The following TERB2 variants were observed in gnomAD, a reference collection of about 807,000 sequenced individuals.
TERB2 encodes telomere repeat binding bouquet formation protein 2, also known as telomere repeats-binding bouquet formation protein 2.
TERB2 carries 26 observed loss-of-function variants against 29.8 expected under a neutral mutation model. The observed-to-expected ratio is 0.87, with a 90% CI of 0.64 to 1.21. The LOEUF (loss-of-function observed/expected upper bound fraction) is 1.21. Ranked by LOEUF, TERB2 falls within the 50% of genes most tolerant of loss-of-function variation. TERB2 has a pLI of 0.00. For synonymous variants in TERB2, 80 were observed against 90.8 expected (o/e 0.88, Z 0.68); for missense variants, 240 against 268.6 (o/e 0.89, Z 0.74).
chr15:44,957,536 CTT>C (rs1891737195), intron 2 of TERB2, among the ~76,000 whole-genome samples: 1 of 152,102 alleles, frequency 6.6e-6, no homozygotes, highest in Non-Finnish European at 1.5e-5. Flanking sequence ...TTCTCCAAAA[CTT>C]TGAATAACTT....
chr15:44,958,859 A>G (rs1891761408), intron 3 of TERB2, among the ~76,000 whole-genome samples: 1 of 152,090 alleles, frequency 6.6e-6, no homozygotes, highest in Non-Finnish European at 1.5e-5. Flanking sequence ...TTAGCAAGTT[A>G]CTTTCTGAAG....
chr15:44,964,345 G>C (rs895547495), intron 4 of TERB2, among the ~76,000 whole-genome samples: 7 of 150,736 alleles, frequency 4.6e-5, no homozygotes, highest in Admixed American at 4.6e-4. Flanking sequence ...AGTTCTTTCA[G>C]TTTTTTTTTC....
chr15:44,956,748 C>T lies in TERB2; in HGVS notation c.30C>T (p.Cys10=), dbSNP rs776218878. 17 of 1,612,494 alleles carry T rather than the reference C, an allele frequency of 1.1e-5. No homozygotes were observed. Among genetic ancestry groups the T allele is most frequent in the East Asian group, 2.2e-5 (1 of 44,886 alleles). Residue 10 remains cysteine, a synonymous_variant, in exon 1 of 7, where the codon TGC becomes TGT. Transcript: ENST00000340827. MFQGQRGWF[C]GSVSQDLRQF... Reference sequence around the variant, plus strand: ...TTCAAGGGCAGCGCGGTTGGTTTTGCGGCAGCGTTAGCCAGGATCTGAGGC... The same window carrying T: ...TTCAAGGGCAGCGCGGTTGGTTTTGTGGCAGCGTTAGCCAGGATCTGAGGC...
chr15:44,956,950 G>A lies in TERB2; in HGVS notation c.119G>A (p.Cys40Tyr). ...CGAGCCGCCGACTTCTTGTTCAGCT[G>A]TGATGCCTCGCACCCAGACACGCTG... ...DPRAADFLFS[C>Y]DASHPDTLRI... is the part of the protein sequence containing the mutation. The change falls in exon 2 of 7, where the codon TGT (cysteine) becomes TAT (tyrosine). Residue 40 changes from cysteine (C) to tyrosine (Y), a missense_variant. Physicochemically the swap from Cys to Tyr is radical, Grantham distance 194. Coordinates refer to ENST00000340827, the MANE Select transcript of TERB2 (RefSeq NM_152448.3). The A allele has an allele frequency of 6.2e-7, 1 of 1,613,960 alleles. No individual in the cohort carries two copies.
In TERB2 at chr15:44,958,601, G is replaced by A. The variant is rs972220027; in HGVS notation, c.286+89G>A. Reference sequence around the variant, plus strand: ...AGCCAAATTCAACTGTACTTATTTTGTTCTCAGTCACATATTTTTGAATTT... The same window carrying A: ...AGCCAAATTCAACTGTACTTATTTTATTCTCAGTCACATATTTTTGAATTT... On this transcript the variant is annotated intron_variant, in intron 3 of 6. Transcript: ENST00000340827. The A allele has an allele frequency of 4.2e-5, 56 of 1,341,956 alleles. No homozygotes were observed. The African/African-American group carries it at 5.9e-4, about 14-fold the overall frequency. The allele number at this position is 1,341,956 out of a possible 1,614,324, so 83.1% of individuals were successfully genotyped here.
chr15:44,966,034 G>C, intron 4 of TERB2, 124 bp from the exon 5 acceptor site: 1 of 503,476 alleles, frequency 2.0e-6, no homozygotes, highest in Non-Finnish European at 3.3e-6. Context: ...GGACTTAAAT[G>C]TGTAAATATT....
chr15:44,960,600 T>C (rs1208464338), intron 3 of TERB2, among the ~76,000 whole-genome samples: 1 of 152,088 alleles, frequency 6.6e-6, no homozygotes, highest in African/African-American at 2.4e-5. Context: ...ATTATTTCAA[T>C]ATATAATCTA....
rs765755590 is a variant in TERB2, at chr15:44,956,703, C to G, written c.-16C>G. 1.3e-6 allele frequency: 2 copies of G among 1,592,358 alleles called. No individual in the cohort carries two copies. Among genetic ancestry groups the G allele is most frequent in the Non-Finnish European group, 1.7e-6 (2 of 1,170,512 alleles). On this transcript the variant is annotated 5_prime_UTR_variant, in exon 1 of 7. Transcript: ENST00000340827. The stretch of plus-strand genomic sequence containing the variant: ...TGCGGCCTCCTCTCTCACATCTCCA[C>G]AGGCTTGGCGACGCCATGTTTCAAG...
chr15:44,978,182 A>AT (rs1202811505), intron 6 of TERB2, among the ~76,000 whole-genome samples: 3 of 152,184 alleles, frequency 2.0e-5, no homozygotes, highest in South Asian at 4.1e-4. Flanking sequence ...CTTCCCAGTT[A>AT]TTTTTATCTA....
At chr15:44,969,319 G>A (rs1891934341) in intron 5 of TERB2, among the ~76,000 whole-genome samples, 1 of 152,032 alleles carries the variant, frequency 6.6e-6, no homozygotes, top group African/African-American at 2.4e-5. Context: ...TGTTGGCCAG[G>A]CTGGTCTCAA....
chr15:44,972,665 G>A (rs1032086536), intron 5 of TERB2, among the ~76,000 whole-genome samples: 16 of 151,064 alleles, frequency 1.1e-4, no homozygotes, highest in Admixed American at 3.3e-4. Context: ...ACAGCTGCTC[G>A]CCACCACACC....
intron 5 of TERB2, among the ~76,000 whole-genome samples, chr15:44,969,029 T>C (rs1891930123): frequency 6.6e-6 from 1 of 152,022 alleles, no homozygotes; most frequent in African/African-American, 2.4e-5. Flanking sequence ...TCCCAGGAGT[T>C]CAGGCAATCC....
intron 6 of TERB2, among the ~76,000 whole-genome samples, chr15:44,975,197 TTG>T (rs1892026814): frequency 6.6e-6 from 1 of 152,258 alleles, no homozygotes; most frequent in Admixed American, 6.5e-5. Flanking sequence ...ATTTGCTCAA[TTG>T]AATAAATTTC....
rs372123246 is a variant in TERB2, at chr15:44,966,281, T to G, written c.434+38T>G. The stretch of plus-strand genomic sequence containing the variant: ...GAAACTTCATTAATATTCAATTCAA[T>G]GTAGAAATCTGTGAGCACTGATTGT... On this transcript the variant is annotated intron_variant, in intron 5 of 6. Coordinates refer to ENST00000340827, the MANE Select transcript of TERB2 (RefSeq NM_152448.3). 19 of 1,306,600 alleles carry G rather than the reference T, an allele frequency of 1.5e-5. No homozygotes were observed. In the African/African-American group the frequency reaches 2.8e-4, roughly 19 times the overall value. 80.9% of individuals were successfully genotyped at this position (1,306,600 alleles called of 1,614,324 possible).
intron 3 of TERB2, among the ~76,000 whole-genome samples, chr15:44,958,775 T>C (rs946828799): frequency 2.6e-5 from 4 of 152,264 alleles, no homozygotes; most frequent in African/African-American, 9.6e-5. Context: ...GTGCTGGGGA[T>C]TCAGTGGAGA....
chr15:44,964,990 C>T (rs996758494), intron 4 of TERB2, among the ~76,000 whole-genome samples: 27 of 151,376 alleles, frequency 1.8e-4, no homozygotes, highest in African/African-American at 6.6e-4. Context: ...GGCAAAACCC[C>T]GTCTCTACTA....
intron 3 of TERB2, among the ~76,000 whole-genome samples, chr15:44,959,156 T>G (rs1261702864): frequency 6.6e-6 from 1 of 152,230 alleles, no homozygotes; most frequent in Non-Finnish European, 1.5e-5. Context: ...CTTCTGATAT[T>G]TAAAGATTGG....
chr15:44,966,273 C>G, intron 5 of TERB2, 30 bp downstream of exon 5: 1 of 1,367,724 alleles, frequency 7.3e-7, no homozygotes, highest in Non-Finnish European at 9.8e-7. Flanking sequence ...CATTAATATT[C>G]AATTCAATGT....
At chr15:44,965,018 C>T (rs1327199759) in intron 4 of TERB2, among the ~76,000 whole-genome samples, 1 of 151,514 alleles carries the variant, frequency 6.6e-6, no homozygotes, top group Non-Finnish European at 1.5e-5. Flanking sequence ...AAAAAATTTG[C>T]CAGATGTGGT....
Sources: gnomAD v4.1 joint callset for allele counts (sites outside exome capture counted in the v4.1 genomes callset) on GRCh38, gnomAD v4.1.1 for gene constraint, MANE v1.5 for transcripts, NCBI Gene and HGNC (gene_info 2026-07-23, HGNC 2026-07-21) for gene names.